Variants in SLC16A12 observed in about 807,000 individuals in gnomAD.
The protein encoded by SLC16A12 is solute carrier family 16 member 12.
SLC16A12 carries 17 observed loss-of-function variants against 42.4 expected under a neutral mutation model. The observed-to-expected ratio is 0.40, with a 90% CI of 0.27 to 0.60. SLC16A12 has a LOEUF of 0.60. Ranked by LOEUF, SLC16A12 falls within the 20% of genes least tolerant of loss-of-function variation. The pLI, the probability that SLC16A12 is intolerant of heterozygous loss-of-function variation, is 0.42. For missense variants in SLC16A12, 544 were observed against 623.0 expected, an observed-to-expected ratio of 0.87 and a Z score of 1.35; for synonymous variants, 224 against 229.4, an observed-to-expected ratio of 0.98 and a Z score of 0.21.
Position 89,467,907 on chromosome 10 carries a change from A to G in SLC16A12, c.-46-5283T>C, listed in dbSNP as rs1369014408. 3.3e-5 allele frequency: 5 copies of G among 152,294 alleles called. No individual in the cohort carries two copies. The East Asian group carries it at 7.7e-4, about 24-fold the overall frequency. The allele number at this position is 152,294 out of a possible 1,614,324, so 9.4% of individuals were successfully genotyped here. A position where few individuals can be genotyped will look rare whatever the true frequency, so the allele number is the denominator to read the frequency against. On this transcript the variant is annotated intron_variant, in intron 2 of 7. Transcript: ENST00000371790. ...GAGGTGATTATTCAGTAGAGGACAC[A>G]TTGTAGGCAACAAGCCCCTGGCAAA...
intron 2 of SLC16A12, among the ~76,000 whole-genome samples, chr10:89,527,440 G>A (rs1420818125): frequency 6.6e-6 from 1 of 151,834 alleles, no homozygotes. Context: ...CCGAGATCAT[G>A]CCATTGCACT....
At chr10:89,522,790 C>A (rs778524318) in intron 2 of SLC16A12, among the ~76,000 whole-genome samples, 2 of 152,174 alleles carry the variant, frequency 1.3e-5, no homozygotes, top group Non-Finnish European at 2.9e-5. Flanking sequence ...TAAATTAAGA[C>A]AATTCCATCT....
At chr10:89,495,067 G>A (rs1480590671) in intron 2 of SLC16A12, among the ~76,000 whole-genome samples, 1 of 152,138 alleles carries the variant, frequency 6.6e-6, no homozygotes. Context: ...ACTAGGAACT[G>A]GCCGGGCATA....
intron 4 of SLC16A12, among the ~76,000 whole-genome samples, chr10:89,443,066 T>C (rs1012038782): frequency 4.6e-5 from 7 of 152,224 alleles, no homozygotes; most frequent in Admixed American, 2.0e-4. Context: ...TGTTGTCCTC[T>C]ACTACACAGA....
intron 2 of SLC16A12, among the ~76,000 whole-genome samples, chr10:89,509,941 C>T (rs1194940238): frequency 6.6e-6 from 1 of 152,154 alleles, no homozygotes; most frequent in Non-Finnish European, 1.5e-5. Flanking sequence ...TTCCTATACA[C>T]CGATAACAGA....
chr10:89,504,322 C>T (rs1843028732), intron 2 of SLC16A12, among the ~76,000 whole-genome samples: 1 of 152,186 alleles, frequency 6.6e-6, no homozygotes, highest in Non-Finnish European at 1.5e-5. Context: ...TGGAAAGAGG[C>T]TCTTAACTAA....
chr10:89,460,461 A>G (rs1842279629), intron 3 of SLC16A12, among the ~76,000 whole-genome samples: 1 of 136,516 alleles, frequency 7.3e-6, no homozygotes, highest in African/African-American at 2.8e-5. Flanking sequence ...ACAGTGGCTC[A>G]CGTCTGTAAT....
intron 4 of SLC16A12, among the ~76,000 whole-genome samples, chr10:89,443,178 T>TCATGACGA (rs1464627724): frequency 4.6e-5 from 7 of 152,198 alleles, no homozygotes; most frequent in Non-Finnish European, 1.0e-4. Context: ...TATGTTTATC[T>TCATGACGA]CATGACGACA....
chr10:89,471,191 A>C (rs1842488422), intron 2 of SLC16A12, among the ~76,000 whole-genome samples: 1 of 152,220 alleles, frequency 6.6e-6, no homozygotes, highest in South Asian at 2.1e-4. Context: ...ATGTAATTAC[A>C]ACCACCACAA....
At chr10:89,550,954 C>T (rs1023555221) in intron 2 of SLC16A12, among the ~76,000 whole-genome samples, 2 of 152,130 alleles carry the variant, frequency 1.3e-5, no homozygotes, top group African/African-American at 4.8e-5. Flanking sequence ...CATTGTATCT[C>T]CAGCACCTTG....
upstream of SLC16A12, among the ~76,000 whole-genome samples, chr10:89,535,745 C>G (rs990392989): frequency 1.5e-4 from 23 of 152,042 alleles, no homozygotes; most frequent in Non-Finnish European, 2.9e-4. Context: ...GCGCACCCGC[C>G]GAGCCGCGTC....
intron 6 of SLC16A12, 36 bp from the exon 7 acceptor site, chr10:89,436,355 T>TA (rs750658847): frequency 6.8e-6 from 11 of 1,613,172 alleles, no homozygotes; most frequent in South Asian, 1.1e-5. Context: ...GTGCAGGAGG[T>TA]ACACATTCTG....
At chr10:89,461,668 T>C in intron 3 of SLC16A12, among the ~76,000 whole-genome samples, 1 of 152,238 alleles carries the variant, frequency 6.6e-6, no homozygotes, top group East Asian at 1.9e-4. Context: ...CTATTAGCTT[T>C]GTAAAACTTT....
At chr10:89,498,760 G>T (rs138847462) in intron 2 of SLC16A12, among the ~76,000 whole-genome samples, 1,687 of 152,230 alleles carry the variant, frequency 0.011, 19 homozygotes, top group Middle Eastern at 0.031. Context: ...AAATACTGTG[G>T]TGGTATCCAT....
At chr10:89,448,050 C>T (rs1842032461) in intron 3 of SLC16A12, among the ~76,000 whole-genome samples, 1 of 152,094 alleles carries the variant, frequency 6.6e-6, no homozygotes, top group African/African-American at 2.4e-5. Context: ...ACTCCCCAGA[C>T]TAAACCAGGA....
At chr10:89,503,443 C>A (rs1365444704) in intron 2 of SLC16A12, among the ~76,000 whole-genome samples, 2 of 152,202 alleles carry the variant, frequency 1.3e-5, no homozygotes, top group African/African-American at 2.4e-5. Flanking sequence ...CCCAAGACCT[C>A]TCTCTTAATA....
chr10:89,549,564 T>G (rs1425206055), intron 2 of SLC16A12, among the ~76,000 whole-genome samples: 1 of 152,200 alleles, frequency 6.6e-6, no homozygotes, highest in African/African-American at 2.4e-5. Context: ...TGGAGAAGCA[T>G]AAAGTGAAAA....
At chr10:89,449,675 T>C (rs1019352618) in intron 3 of SLC16A12, among the ~76,000 whole-genome samples, 1 of 152,150 alleles carries the variant, frequency 6.6e-6, no homozygotes, top group Non-Finnish European at 1.5e-5. Flanking sequence ...ACCTAGGCAA[T>C]ACCATTCAGG....
At chr10:89,547,959 G>A (rs1843750294) in intron 2 of SLC16A12, among the ~76,000 whole-genome samples, 1 of 115,088 alleles carries the variant, frequency 8.7e-6, no homozygotes, top group Non-Finnish European at 1.7e-5. Flanking sequence ...CTGCACTCCA[G>A]CCTGGGCAAA....
Sources: gnomAD v4.1 joint callset for allele counts (sites outside exome capture counted in the v4.1 genomes callset) on GRCh38, gnomAD v4.1.1 for gene constraint, MANE v1.5 for transcripts, NCBI Gene and HGNC (gene_info 2026-07-23, HGNC 2026-07-21) for gene names.